The following ALDH6A1 variants were observed in gnomAD, a reference collection of about 807,000 sequenced individuals.
The protein encoded by ALDH6A1 is methylmalonate-semialdehyde/malonate-semialdehyde dehydrogenase [acylating], mitochondrial.
Under a neutral mutation model 62.6 loss-of-function variants are expected in ALDH6A1, and 43 were observed. The ratio of observed to expected loss-of-function variants is 0.69; its 90% CI spans 0.54 to 0.89. ALDH6A1 has a LOEUF of 0.89. Ranked by LOEUF, ALDH6A1 falls within the 40% of genes least tolerant of loss-of-function variation. The pLI, the probability that ALDH6A1 is intolerant of heterozygous loss-of-function variation, is 0.00. For synonymous variants in ALDH6A1, 194 were observed against 234.2 expected (o/e 0.83, Z 1.57); for missense variants, 551 against 661.3 (o/e 0.83, Z 1.83).
In ALDH6A1 at chr14:74,071,181, A is replaced by T. The variant is rs371365636; in HGVS notation, c.730+14T>A. On this transcript the variant is annotated intron_variant, in intron 6 of 11. Transcript: ENST00000553458. ...GTAGCCAGATTAAGTAGCCATATGC[A>T]TAAGGGCAGTTACCTTCATGCTGTC... 54 of 1,611,424 alleles carry T rather than the reference A, an allele frequency of 3.4e-5. No homozygotes were observed. The highest frequency in any genetic ancestry group is 4.5e-5 in the Non-Finnish European group (53 of 1,177,714).
intron 2 of ALDH6A1, among the ~76,000 whole-genome samples, chr14:74,072,828 G>A (rs768953142): frequency 5.3e-5 from 8 of 151,406 alleles, no homozygotes; most frequent in Non-Finnish European, 7.4e-5. Flanking sequence ...ACAGAGTTTC[G>A]CTCTTGTCCC....
At chr14:74,083,064 CA>C (rs1218835458) in intron 1 of ALDH6A1, among the ~76,000 whole-genome samples, 3 of 152,140 alleles carry the variant, frequency 2.0e-5, no homozygotes, top group Admixed American at 6.6e-5. Flanking sequence ...AGGATCGCAG[CA>C]AGAAATATGA....
Position 74,071,188 on chromosome 14 carries a change from C to A in ALDH6A1, c.730+7G>T, listed in dbSNP as rs1292077052. 1.2e-6 allele frequency: 2 copies of A among 1,612,536 alleles called. No individual in the cohort carries two copies. Among genetic ancestry groups the A allele is most frequent in the Non-Finnish European group, 1.7e-6 (2 of 1,178,580 alleles). ...GATTAAGTAGCCATATGCATAAGGG[C>A]AGTTACCTTCATGCTGTCCATGGAT... is the stretch of plus-strand genomic sequence containing the variant. On this transcript the variant is annotated splice_region_variant and intron_variant, in intron 6 of 11. Coordinates refer to ENST00000553458, the MANE Select transcript of ALDH6A1 (RefSeq NM_005589.4).
At chr14:74,083,212 G>T (rs576821456) in intron 1 of ALDH6A1, among the ~76,000 whole-genome samples, 2 of 152,150 alleles carry the variant, frequency 1.3e-5, no homozygotes, top group Non-Finnish European at 2.9e-5. Context: ...TAGAACTCAC[G>T]GAAACCTGGT....
chr14:74,078,499 ACATACCAC>A, intron 1 of ALDH6A1: 1 of 235,762 alleles, frequency 4.2e-6, no homozygotes. Flanking sequence ...GACCACAGGC[ACATACCAC>A]CACACCCAGC....
chr14:74,070,579 T>C (rs960504530), intron 6 of ALDH6A1: 1 of 155,386 alleles, frequency 6.4e-6, no homozygotes, highest in Non-Finnish European at 1.4e-5. Context: ...TCAGACACTA[T>C]TGTGTTCTCA....
At chr14:74,074,269 G>T (rs1345367424) in intron 2 of ALDH6A1, among the ~76,000 whole-genome samples, 2 of 145,514 alleles carry the variant, frequency 1.4e-5, no homozygotes, top group Non-Finnish European at 3.0e-5. Flanking sequence ...GAGCCACTGC[G>T]CCCGGCCCCT....
chr14:74,063,164 C>T (rs61383386), intron 11 of ALDH6A1, among the ~76,000 whole-genome samples: 2,399 of 151,994 alleles, frequency 0.016, 63 homozygotes, highest in African/African-American at 0.054. Flanking sequence ...CACCTGTTGG[C>T]CGATGTGGCA....
chr14:74,071,694 C>T, intron 5 of ALDH6A1, 197 bp from the exon 6 acceptor site: 1 of 1,489,722 alleles, frequency 6.7e-7, no homozygotes, highest in Non-Finnish European at 9.0e-7. Context: ...ATGTATATAC[C>T]CACTGGAAGA....
In ALDH6A1 at chr14:74,060,535, A is replaced by G. The variant is rs761987609; in HGVS notation, c.*107T>C. 1.0e-5 allele frequency: 9 copies of G among 865,510 alleles called. No homozygotes were observed. The highest frequency in any genetic ancestry group is 8.3e-5 in the African/African-American group (5 of 60,452). 53.6% of individuals were successfully genotyped at this position (865,510 alleles called of 1,614,324 possible). ...AGTCCTGAGGAAGATTTTAGTTACA[A>G]TGTATTCCAATCCCATCGATCTGAT... On this transcript the variant is annotated 3_prime_UTR_variant, in exon 12 of 12. Transcript: ENST00000553458.
chr14:74,062,831 A>T (rs1267733656), intron 11 of ALDH6A1, among the ~76,000 whole-genome samples: 1 of 152,180 alleles, frequency 6.6e-6, no homozygotes, highest in Non-Finnish European at 1.5e-5. Flanking sequence ...AACCTATAAA[A>T]GGGGAGACTT....
In ALDH6A1 at chr14:74,063,465, G is replaced by A. The variant is rs372508866; in HGVS notation, c.1503+1357C>T. ...CTCCCAAAGTGCTGGGATTACAGGCGTAAGCCACTGCACCTGGCCAATAGT... is the reference window on the plus strand; with the variant it reads ...CTCCCAAAGTGCTGGGATTACAGGCATAAGCCACTGCACCTGGCCAATAGT... On this transcript the variant is annotated intron_variant, in intron 11 of 11. Transcript: ENST00000553458. Among the ~76,000 whole-genome samples, 382 of 152,050 alleles carry A rather than the reference G, an allele frequency of 2.5e-3. 1 individual carries two copies. Among genetic ancestry groups the A allele is most frequent in the African/African-American group, 5.2e-3 (214 of 41,498 alleles).
At chr14:74,069,974 ACTAC>A (rs2060526889) in intron 6 of ALDH6A1, among the ~76,000 whole-genome samples, 1 of 149,400 alleles carries the variant, frequency 6.7e-6, no homozygotes, top group African/African-American at 2.5e-5. Context: ...ACCTCATGGG[ACTAC>A]CTGCACATGC....
chr14:74,067,703 A>G (rs922939907), intron 7 of ALDH6A1, 134 bp from the exon 8 acceptor site: 51 of 943,986 alleles, frequency 5.4e-5, no homozygotes, highest in Non-Finnish European at 8.1e-5. Context: ...TGAGAAGGAT[A>G]ACTTGAGGTC....
In ALDH6A1 at chr14:74,066,567, A is replaced by G. The variant is rs1482468215; in HGVS notation, c.1224+138T>C. 5 of 914,052 alleles carry G rather than the reference A, an allele frequency of 5.5e-6. No homozygotes were observed. The East Asian group carries it at 7.9e-5, about 15-fold the overall frequency. The allele number at this position is 914,052 out of a possible 1,614,324, so 56.6% of individuals were successfully genotyped here. ...AGAAGGAGAGGCTCATTCAGACTCCAGATAAAATAATTGATCAATCCTGGC... is the reference window on the plus strand; with the variant it reads ...AGAAGGAGAGGCTCATTCAGACTCCGGATAAAATAATTGATCAATCCTGGC... On this transcript the variant is annotated intron_variant, in intron 9 of 11. Transcript: ENST00000553458.
In ALDH6A1 at chr14:74,058,004, C is replaced by A; in HGVS notation, c.*2638G>T. The A allele has an allele frequency of 1.4e-6, 1 of 716,864 alleles. No individual in the cohort carries two copies. The highest frequency in any genetic ancestry group is 1.7e-6 in the Non-Finnish European group (1 of 583,424). 44.4% of individuals were successfully genotyped at this position (716,864 alleles called of 1,614,324 possible). A position where few individuals can be genotyped will look rare whatever the true frequency, so the allele number is the denominator to read the frequency against. On this transcript the variant is annotated 3_prime_UTR_variant, in exon 12 of 12. Coordinates refer to ENST00000553458, the MANE Select transcript of ALDH6A1 (RefSeq NM_005589.4). Reference sequence around the variant, plus strand: ...TAGACAATAATGACCTTTTATTTAACCCAGCCTATAGTTGTTGGATTGGAT... The same window carrying A: ...TAGACAATAATGACCTTTTATTTAAACCAGCCTATAGTTGTTGGATTGGAT...
chr14:74,077,977 C>A (rs10135340), intron 1 of ALDH6A1, among the ~76,000 whole-genome samples: 1 of 152,018 alleles, frequency 6.6e-6, no homozygotes, highest in African/African-American at 2.4e-5. Flanking sequence ...ACGGTGATTT[C>A]TGCCTGTAGT....
intron 6 of ALDH6A1, among the ~76,000 whole-genome samples, chr14:74,070,318 A>G (rs577947088): frequency 6.6e-6 from 1 of 152,182 alleles, no homozygotes; most frequent in African/African-American, 2.4e-5. Flanking sequence ...CAGGAGTTTG[A>G]GACTAGCCTG....
In ALDH6A1 at chr14:74,084,441, A is replaced by C; in HGVS notation, c.-47T>G. ...CGCACCCCGCGCCTCTACTGCCCAG[A>C]AGCACTACAGCTGCCAGGCCTCGCC... On this transcript the variant is annotated 5_prime_UTR_variant, in exon 1 of 12. Transcript: ENST00000553458. 2 of 1,607,878 alleles carry C rather than the reference A, an allele frequency of 1.2e-6. No homozygotes were observed. Among genetic ancestry groups the C allele is most frequent in the Non-Finnish European group, 1.7e-6 (2 of 1,178,314 alleles).
Sources: gnomAD v4.1 joint callset for allele counts (sites outside exome capture counted in the v4.1 genomes callset) on GRCh38, gnomAD v4.1.1 for gene constraint, MANE v1.5 for transcripts, NCBI Gene and HGNC (gene_info 2026-07-23, HGNC 2026-07-21) for gene names.